ADAM2: variants seen among roughly 807,000 people sequenced by gnomAD.
ADAM2 encodes disintegrin and metalloproteinase domain-containing protein 2.
In ADAM2, 101 loss-of-function variants were observed where a neutral mutation model predicts 99.3. The observed-to-expected ratio is 1.02, with a 90% CI of 0.87 to 1.20. The LOEUF (loss-of-function observed/expected upper bound fraction) is 1.20, where lower values mean the gene tolerates loss of function less well. Ranked by LOEUF, ADAM2 falls within the 50% of genes most tolerant of loss-of-function variation. The pLI, the probability that ADAM2 is intolerant of heterozygous loss-of-function variation, is 0.00. For synonymous variants in ADAM2, 323 were observed against 287.6 expected (o/e 1.12, Z -1.25); for missense variants, 948 against 878.7 (o/e 1.08, Z -1.00).
At chr8:39,762,539 C>T (rs1802409571) in intron 14 of ADAM2, among the ~76,000 whole-genome samples, 1 of 152,184 alleles carries the variant, frequency 6.6e-6, no homozygotes, top group South Asian at 2.1e-4. Context: ...CAATTAAACA[C>T]TAATCTAGGC....
At chr8:39,746,777 T>C (rs1039882166) in intron 18 of ADAM2, 146 bp from the exon 19 acceptor site, 4 of 670,452 alleles carry the variant, frequency 6.0e-6, no homozygotes, top group African/African-American at 3.8e-5. Flanking sequence ...AATAGATAAC[T>C]TGAAAATATA....
chr8:39,774,490 A>G (rs546718433), intron 11 of ADAM2, among the ~76,000 whole-genome samples: 5 of 151,926 alleles, frequency 3.3e-5, no homozygotes, highest in African/African-American at 4.8e-5. Flanking sequence ...ATTAATCAAT[A>G]CCATTTCTAT....
At chr8:39,798,746 C>A (rs1417250853) in intron 7 of ADAM2, among the ~76,000 whole-genome samples, 4 of 152,136 alleles carry the variant, frequency 2.6e-5, no homozygotes, top group Admixed American at 2.6e-4. Context: ...AGAGACTCAA[C>A]ATCTTCCTGG....
intron 7 of ADAM2, among the ~76,000 whole-genome samples, chr8:39,796,741 G>A (rs1310351897): frequency 6.6e-6 from 1 of 152,110 alleles, no homozygotes; most frequent in Non-Finnish European, 1.5e-5. Flanking sequence ...ATTCTGACTT[G>A]TGTGACATGG....
chr8:39,835,999 G>A (rs894332086), intron 2 of ADAM2, among the ~76,000 whole-genome samples: 9 of 151,694 alleles, frequency 5.9e-5, no homozygotes, highest in Admixed American at 2.6e-4. Flanking sequence ...TTTTGGTTTT[G>A]GTAACCACAA....
chr8:39,837,695 A>T (rs914182572), intron 1 of ADAM2, among the ~76,000 whole-genome samples: 4 of 152,164 alleles, frequency 2.6e-5, no homozygotes, highest in East Asian at 1.9e-4. Context: ...ATATTTTTTT[A>T]AAAAAGAAGT....
At chr8:39,764,872 G>A (rs762579622) in intron 14 of ADAM2, among the ~76,000 whole-genome samples, 2 of 151,750 alleles carry the variant, frequency 1.3e-5, no homozygotes, top group African/African-American at 2.4e-5. Context: ...AAAATTAGCC[G>A]GGTGTGGTGG....
intron 2 of ADAM2, 132 bp downstream of exon 2, chr8:39,837,004 T>C: frequency 3.2e-6 from 2 of 628,654 alleles, no homozygotes; most frequent in Non-Finnish European, 2.6e-6. Flanking sequence ...AAAGGGCTTT[T>C]CCATTCAGGG....
chr8:39,786,870 G>T, intron 10 of ADAM2, 104 bp downstream of exon 10: 5 of 801,664 alleles, frequency 6.2e-6, no homozygotes. Context: ...TGACAAAGAT[G>T]CTTAGAACAA....
chr8:39,753,286 C>A lies in ADAM2; in HGVS notation c.1797+2442G>T, dbSNP rs189076243. On this transcript the variant is annotated intron_variant, in intron 16 of 20. Coordinates refer to ENST00000265708, the MANE Select transcript of ADAM2 (RefSeq NM_001464.5). ...TAGCAAGAAGAGTGGCAGCATTTTG[C>A]CCCTGCCCTAGAAATCTGTGGAACT... Among the ~76,000 whole-genome samples, 88 of 152,210 alleles carry A rather than the reference C, an allele frequency of 5.8e-4. 3 individuals carry two copies. The East Asian group carries it at 0.015, about 27-fold the overall frequency.
At chr8:39,755,359 A>G (rs1467822304) in intron 16 of ADAM2, among the ~76,000 whole-genome samples, 1 of 152,180 alleles carries the variant, frequency 6.6e-6, no homozygotes, top group Non-Finnish European at 1.5e-5. Flanking sequence ...CTGAGAAAAA[A>G]TACTAATTAT....
intron 7 of ADAM2, among the ~76,000 whole-genome samples, chr8:39,789,029 GA>G (rs1586103241): frequency 6.6e-6 from 1 of 151,308 alleles, no homozygotes; most frequent in African/African-American, 2.4e-5. Flanking sequence ...ATTATTAAAA[GA>G]AAAGTTTAGC....
chr8:39,821,482 T>C (rs1805185925), intron 5 of ADAM2, 104 bp downstream of exon 5: 1 of 877,444 alleles, frequency 1.1e-6, no homozygotes, highest in African/African-American at 1.7e-5. Context: ...TTTTCCACAA[T>C]AGTCATGCCA....
chr8:39,787,848 A>G (rs779185550), intron 9 of ADAM2, among the ~76,000 whole-genome samples: 7 of 151,696 alleles, frequency 4.6e-5, no homozygotes, highest in Non-Finnish European at 8.9e-5. Context: ...TGTGGTATAT[A>G]CCCTAGGGAA....
intron 7 of ADAM2, among the ~76,000 whole-genome samples, chr8:39,803,965 T>A (rs1804322141): frequency 6.6e-6 from 1 of 152,222 alleles, no homozygotes; most frequent in Non-Finnish European, 1.5e-5. Flanking sequence ...CTTAAGGAGC[T>A]GAGTGTGAAT....
In ADAM2 at chr8:39,777,081, A is replaced by G. The variant is rs1343901562; in HGVS notation, c.972T>C (p.Asp324=). ...LLSLSMGITY[D]DINKCQCSGA... ...CTGAGCACTGGCATTTGTTAATGTCATCATAAGTGATCCCCATACTAAGGC... is the reference window on the plus strand; with the variant it reads ...CTGAGCACTGGCATTTGTTAATGTCGTCATAAGTGATCCCCATACTAAGGC... Residue 324 remains aspartate, a synonymous_variant, in exon 11 of 21, where the codon GAT becomes GAC. Coordinates refer to ENST00000265708, the MANE Select transcript of ADAM2 (RefSeq NM_001464.5). 1.3e-6 allele frequency: 2 copies of G among 1,598,262 alleles called. No individual in the cohort carries two copies. Among genetic ancestry groups the G allele is most frequent in the Admixed American group, 1.7e-5 (1 of 59,808 alleles).
At chr8:39,769,079 T>A (rs1200329814) in intron 12 of ADAM2, among the ~76,000 whole-genome samples, 1 of 152,216 alleles carries the variant, frequency 6.6e-6, no homozygotes, top group South Asian at 2.1e-4. Context: ...AATGTACTCA[T>A]ATACTCAATC....
chr8:39,834,072 T>A, intron 2 of ADAM2, 73 bp from the exon 3 acceptor site: 2 of 765,930 alleles, frequency 2.6e-6, no homozygotes, highest in Non-Finnish European at 4.4e-6. Flanking sequence ...TCATTTTACA[T>A]TAATGATAAT....
At chr8:39,769,261 C>A in intron 12 of ADAM2, 131 bp downstream of exon 12, 1 of 644,372 alleles carries the variant, frequency 1.6e-6, no homozygotes, top group Non-Finnish European at 2.7e-6. Context: ...TGTTATAATA[C>A]CTACATGCCC....
Sources: gnomAD v4.1 joint callset for allele counts (sites outside exome capture counted in the v4.1 genomes callset) on GRCh38, gnomAD v4.1.1 for gene constraint, MANE v1.5 for transcripts, NCBI Gene and HGNC (gene_info 2026-07-23, HGNC 2026-07-21) for gene names.